Variants in MYLK4 observed in about 807,000 individuals in gnomAD.
MYLK4 encodes caMLCK like.
A neutral mutation model predicts 48.1 loss-of-function variants in MYLK4; 46 were observed. That is an observed-to-expected ratio of 0.96 (90% confidence interval 0.75 to 1.22). The LOEUF (loss-of-function observed/expected upper bound fraction) is 1.22. MYLK4 is among the 50% of genes most tolerant of loss of function. MYLK4 has a pLI of 0.00. For synonymous variants in MYLK4, 170 were observed against 180.8 expected (o/e 0.94, Z 0.48); for missense variants, 451 against 486.1 (o/e 0.93, Z 0.68).
intron 2 of MYLK4, among the ~76,000 whole-genome samples, chr6:2,697,619 C>T (rs1762111792): frequency 6.6e-6 from 1 of 152,224 alleles, no homozygotes; most frequent in Non-Finnish European, 1.5e-5. Context: ...ATTCATTCAA[C>T]TGAACAACAT....
At chr6:2,684,778 T>TG (rs1462572145) in intron 6 of MYLK4, among the ~76,000 whole-genome samples, 2 of 152,256 alleles carry the variant, frequency 1.3e-5, no homozygotes, top group Non-Finnish European at 2.9e-5. Context: ...TGCCATTTTA[T>TG]GTCAGGAACT....
chr6:2,746,997 C>T (rs911554378), intron 2 of MYLK4, among the ~76,000 whole-genome samples: 3 of 152,184 alleles, frequency 2.0e-5, no homozygotes, highest in Non-Finnish European at 4.4e-5. Flanking sequence ...CCATTCTCCA[C>T]GTGGACGGAG....
Position 2,749,392 on chromosome 6 carries a change from G to T in MYLK4, c.-98C>A, listed in dbSNP as rs1764209868. On this transcript the variant is annotated 5_prime_UTR_variant, in exon 2 of 13. Transcript: ENST00000274643. ...CAGGACACAATTATGACTCTTCAGT[G>T]CTTCTTTCTCTTGACTGCAAAGAAA... 11 of 902,350 alleles carry T rather than the reference G, an allele frequency of 1.2e-5. No homozygotes were observed. The highest frequency in any genetic ancestry group is 1.8e-5 in the Non-Finnish European group (11 of 604,006). 55.9% of individuals were successfully genotyped at this position (902,350 alleles called of 1,614,324 possible).
intron 10 of MYLK4, among the ~76,000 whole-genome samples, chr6:2,676,573 A>G (rs946488060): frequency 6.6e-6 from 1 of 152,238 alleles, no homozygotes; most frequent in African/African-American, 2.4e-5. Context: ...GTACCCCAGA[A>G]ATTTATTCTA....
At chr6:2,730,599 T>C (rs887917926) in intron 2 of MYLK4, among the ~76,000 whole-genome samples, 6 of 152,194 alleles carry the variant, frequency 3.9e-5, no homozygotes, top group African/African-American at 1.4e-4. Context: ...AGGAATCCCC[T>C]GTTGCTAATG....
chr6:2,678,531 T>C (rs1331307700), intron 9 of MYLK4, among the ~76,000 whole-genome samples, 159 bp from the exon 10 acceptor site: 1 of 152,158 alleles, frequency 6.6e-6, no homozygotes, highest in African/African-American at 2.4e-5. Flanking sequence ...AAGAAAATGC[T>C]TGCCGCCCCC....
intron 2 of MYLK4, 131 bp downstream of exon 2, chr6:2,749,005 C>G: frequency 2.5e-6 from 2 of 791,556 alleles, no homozygotes; most frequent in Non-Finnish European, 2.0e-6. Flanking sequence ...ACACACAATT[C>G]TCACTGAAGC....
intron 2 of MYLK4, among the ~76,000 whole-genome samples, chr6:2,710,294 G>C (rs1233032503): frequency 6.6e-6 from 1 of 152,024 alleles, no homozygotes; most frequent in African/African-American, 2.4e-5. Flanking sequence ...GATTGAAATA[G>C]GCCCAGTTGT....
chr6:2,728,541 T>G (rs1401697846), intron 2 of MYLK4, among the ~76,000 whole-genome samples: 1 of 152,230 alleles, frequency 6.6e-6, no homozygotes, highest in Non-Finnish European at 1.5e-5. Flanking sequence ...TTACCCCATG[T>G]GCTTGCTGGT....
rs117492688 is a variant in MYLK4, at chr6:2,676,060, C to A, written c.1041-935G>T. ...TGAGCCAAGATCGTGCCATTGCACA[C>A]CAGCCTAGGTGACAGTGTGAGATTC... On this transcript the variant is annotated intron_variant, in intron 10 of 12. Coordinates refer to ENST00000274643, the MANE Select transcript of MYLK4 (RefSeq NM_001012418.5). Among the ~76,000 whole-genome samples the A allele has an allele frequency of 3.3e-4, 49 of 147,220 alleles. No individual in the cohort carries two copies. The East Asian group carries it at 9.6e-3, about 29-fold the overall frequency.
At chr6:2,739,972 C>A (rs1763834561) in intron 2 of MYLK4, among the ~76,000 whole-genome samples, 1 of 152,234 alleles carries the variant, frequency 6.6e-6, no homozygotes, top group African/African-American at 2.4e-5. Context: ...AGGGCCAGGA[C>A]TGGAAGCTGC....
the MYLK4 span, chr6:2,766,144 CGACGGG>C: frequency 1.1e-5 from 15 of 1,314,388 alleles, no homozygotes; most frequent in South Asian, 4.3e-5. Flanking sequence ...ACGGCGATGG[CGACGGG>C]GACGCGGACG....
chr6:2,679,462 A>G, intron 8 of MYLK4, 54 bp from the exon 9 acceptor site: 1 of 1,606,128 alleles, frequency 6.2e-7, no homozygotes, highest in South Asian at 1.1e-5. Context: ...AAAATCGTGA[A>G]CACTGAAATG....
intron 2 of MYLK4, among the ~76,000 whole-genome samples, chr6:2,745,870 A>G (rs146443958): frequency 2.7e-3 from 394 of 146,792 alleles, no homozygotes; most frequent in Non-Finnish European, 4.6e-3. Flanking sequence ...AGCTGCAGTG[A>G]GCTGAGATCA....
intron 7 of MYLK4, 81 bp from the exon 8 acceptor site, chr6:2,680,372 A>G (rs1349544306): frequency 1.3e-6 from 2 of 1,599,496 alleles, no homozygotes; most frequent in Middle Eastern, 1.7e-4. Context: ...CTAAAAATAC[A>G]ACGATGCTCA....
rs78863362 is a variant in MYLK4 at position 2,735,710 on chromosome 6, C to T, written c.159+13426G>A. Among the ~76,000 whole-genome samples, 1,055 of 152,150 alleles carry T rather than the reference C, an allele frequency of 6.9e-3. 15 individuals are homozygous for T. The highest frequency in any genetic ancestry group is 0.024 in the African/African-American group (998 of 41,486). On this transcript the variant is annotated intron_variant, in intron 2 of 12. Coordinates refer to ENST00000274643, the MANE Select transcript of MYLK4 (RefSeq NM_001012418.5). ...AAAACTATGCACACACCTGGCTCAG[C>T]GTATGTAGTCGATGCAAACTGGGGA...
chr6:2,760,189 A>G, the MYLK4 span, among the ~76,000 whole-genome samples: 1 of 152,266 alleles, frequency 6.6e-6, no homozygotes, highest in Non-Finnish European at 1.5e-5. Flanking sequence ...ATAACTACTT[A>G]TATAGCATTT....
chr6:2,736,922 G>A (rs932165641), intron 2 of MYLK4, among the ~76,000 whole-genome samples: 2 of 152,224 alleles, frequency 1.3e-5, no homozygotes, highest in East Asian at 1.9e-4. Context: ...TCTGCATCAG[G>A]TGTAAAGTAG....
At chr6:2,760,999 T>C in the MYLK4 span, among the ~76,000 whole-genome samples, 5 of 152,264 alleles carry the variant, frequency 3.3e-5, no homozygotes, top group African/African-American at 1.2e-4. Flanking sequence ...ATGTGAGTCA[T>C]GTGGGATTAA....
Sources: allele counts gnomAD v4.1 joint callset (sites outside exome capture counted in the v4.1 genomes callset), GRCh38; gene constraint gnomAD v4.1.1; transcripts MANE v1.5; gene names NCBI Gene and HGNC (gene_info 2026-07-23, HGNC 2026-07-21).